The following TLN2 variants were observed in gnomAD, a reference collection of about 807,000 sequenced individuals.
The protein encoded by TLN2 is talin-2.
In TLN2, 118 loss-of-function variants were observed where a neutral mutation model predicts 294.7. That is an observed-to-expected ratio of 0.40 (90% CI 0.34 to 0.47). The LOEUF is 0.47. TLN2 is among the 20% of genes least tolerant of loss of function. The pLI is 0.84. For synonymous variants in TLN2, 1,431 were observed against 1,304.5 expected (o/e 1.10, Z -2.09); for missense variants, 3,083 against 3,282.2 (o/e 0.94, Z 1.48).
At chr15:62,622,934 C>T (rs2048959265) in intron 3 of TLN2, among the ~76,000 whole-genome samples, 1 of 152,162 alleles carries the variant, frequency 6.6e-6, no homozygotes, top group East Asian at 1.9e-4. Flanking sequence ...TGCTCAGAGC[C>T]CATCGATGTT....
At chr15:62,720,630 A>G (rs2060077117) in intron 25 of TLN2, among the ~76,000 whole-genome samples, 1 of 142,496 alleles carries the variant, frequency 7.0e-6, no homozygotes, top group African/African-American at 2.6e-5. Flanking sequence ...TATTTTAACT[A>G]CATACATATA....
intron 1 of TLN2, among the ~76,000 whole-genome samples, chr15:62,472,004 C>A (rs531425217): frequency 6.6e-5 from 10 of 152,156 alleles, no homozygotes; most frequent in Non-Finnish European, 1.2e-4. Context: ...CCACTGCATT[C>A]AGAATAAAGT....
chr15:62,740,119 C>T (rs1242982655), intron 31 of TLN2, among the ~76,000 whole-genome samples: 1 of 148,790 alleles, frequency 6.7e-6, no homozygotes, highest in African/African-American at 2.5e-5. Flanking sequence ...CTTCTAGTAT[C>T]TACAAAGAAT....
Position 62,800,371 on chromosome 15 carries a change from G to A in TLN2, c.6238G>A (p.Val2080Ile), listed in dbSNP as rs757218429. The change falls in exon 49 of 59, where the codon GTT becomes ATT. Residue 2080 changes from valine to isoleucine, a missense_variant. Val to Ile is a conservative substitution (Grantham distance 29). Coordinates refer to ENST00000636159, the MANE Select transcript of TLN2 (RefSeq NM_015059.3). ...TGAGTTCTGTGCTCTCTTTCAGGTGGTTTTGATCAATGCCATCAAAGATGT... is the reference window on the plus strand; with the variant it reads ...TGAGTTCTGTGCTCTCTTTCAGGTGATTTTGATCAATGCCATCAAAGATGT... ...LGSDDPETQV[V>I]LINAIKDVAK... 6 of 1,613,684 alleles carry A rather than the reference G, an allele frequency of 3.7e-6. No individual in the cohort carries two copies. In the African/African-American group the frequency reaches 8.0e-5, roughly 22 times the overall value.
chr15:62,839,070 A>G, intron 58 of TLN2, 89 bp downstream of exon 58: 2 of 1,508,226 alleles, frequency 1.3e-6, no homozygotes, highest in Non-Finnish European at 1.8e-6. Context: ...TCAAGATGAA[A>G]GTTTATTTCT....
chr15:62,708,011 A>C (rs140287692), intron 20 of TLN2, among the ~76,000 whole-genome samples: 43 of 152,094 alleles, frequency 2.8e-4, no homozygotes, highest in African/African-American at 9.2e-4. Context: ...CGTCTCCCTC[A>C]AGCTTTCATT....
intron 25 of TLN2, among the ~76,000 whole-genome samples, chr15:62,720,655 GT>G (rs1453137099): frequency 7.1e-6 from 1 of 141,588 alleles, no homozygotes; most frequent in African/African-American, 2.7e-5. Context: ...ACAGGTGTGT[GT>G]GTGTGTGTGT....
At chr15:62,461,233 C>T (rs756740342) in intron 1 of TLN2, among the ~76,000 whole-genome samples, 3 of 152,174 alleles carry the variant, frequency 2.0e-5, no homozygotes, top group South Asian at 2.1e-4. Flanking sequence ...CGTGAGCCAC[C>T]GCGTCTGGCC....
In TLN2 at chr15:62,644,819, C is replaced by T. The variant is rs954516500; in HGVS notation, c.-36-2456C>T. 4.8e-5 allele frequency: 16 copies of T among 334,200 alleles called. 3 individuals carry two copies. In the Admixed American group the frequency reaches 5.9e-4, roughly 12 times the overall value. 20.7% of individuals were successfully genotyped at this position (334,200 alleles called of 1,614,324 possible). A position where few individuals can be genotyped will look rare whatever the true frequency, so the allele number is the denominator to read the frequency against. On this transcript the variant is annotated intron_variant, in intron 3 of 58. Transcript: ENST00000636159. ...CCATGTCATGGCTCTCTCTTGGCTT[C>T]AGTGGAATCTCTCTCTGCATGGTTA... is the stretch of plus-strand genomic sequence containing the variant.
At chr15:62,563,997 CACTA>C (rs371085779) in intron 1 of TLN2, among the ~76,000 whole-genome samples, 36 of 152,326 alleles carry the variant, frequency 2.4e-4, no homozygotes, top group Middle Eastern at 3.4e-3. Flanking sequence ...GCCAGGCATG[CACTA>C]ACTACTAGGT....
intron 1 of TLN2, among the ~76,000 whole-genome samples, chr15:62,434,480 C>T (rs1197365053): frequency 2.6e-5 from 4 of 152,068 alleles, no homozygotes; most frequent in Non-Finnish European, 5.9e-5. Context: ...CACTCTTGTG[C>T]ATGCGCGCGC....
rs117841170 is a variant in TLN2 at position 62,764,668 on chromosome 15, T to C, written c.5094+973T>C. 2.1e-3 allele frequency among the ~76,000 whole-genome samples: 316 copies of C among 152,070 alleles called. 3 individuals carry two copies. In the East Asian group the frequency reaches 0.025, roughly 12 times the overall value. ...CCGGCAGCCAGATCAAGAAACAAAG[T>C]TGAGGCCAGGCGCTGTGGCTCAATC... is the stretch of plus-strand genomic sequence containing the variant. On this transcript the variant is annotated intron_variant, in intron 40 of 58. Transcript: ENST00000636159.
chr15:62,763,228 T>TC (rs2062787197), intron 39 of TLN2: 1 of 171,944 alleles, frequency 5.8e-6, no homozygotes, highest in African/African-American at 2.4e-5. Flanking sequence ...TTTTTCTTTT[T>TC]TTTTTTTTTT....
chr15:62,555,666 A>G (rs1567093125), intron 1 of TLN2, among the ~76,000 whole-genome samples: 1 of 152,208 alleles, frequency 6.6e-6, no homozygotes, highest in Non-Finnish European at 1.5e-5. Context: ...GTTCTTGTGT[A>G]TGATAGCAGT....
rs1383708494 is a variant in TLN2, at chr15:62,698,840, C to G, written c.1560C>G (p.Asp520Glu). 6.2e-6 allele frequency: 10 copies of G among 1,612,970 alleles called. No individual in the cohort carries two copies. The highest frequency in any genetic ancestry group is 3.3e-4 in the Middle Eastern group (2 of 6,062). Residue 520 changes from aspartate to glutamate, a missense_variant, in exon 16 of 59, where the codon GAC becomes GAG. Coordinates refer to ENST00000636159, the MANE Select transcript of TLN2 (RefSeq NM_015059.3). The stretch of plus-strand genomic sequence containing the variant: ...CCCAGGATGATCTCAGTGAGCTCGA[C>G]TCGCTGCCACCTCTCGGCCAGGATA... ...QQAQDDLSEL[D>E]SLPPLGQDMA...
chr15:62,552,689 C>T (rs1330714598), intron 1 of TLN2, among the ~76,000 whole-genome samples: 1 of 152,212 alleles, frequency 6.6e-6, no homozygotes, highest in African/African-American at 2.4e-5. Flanking sequence ...AAGCTGCATT[C>T]ATACATGAGT....
intron 4 of TLN2, 115 bp from the exon 5 acceptor site, chr15:62,649,969 G>T (rs766230965): frequency 4.1e-6 from 4 of 971,246 alleles, no homozygotes; most frequent in East Asian, 4.9e-5. Context: ...AAACATTGCT[G>T]TCTGGTGAAG....
chr15:62,659,548 T>A (rs567770510), intron 9 of TLN2, among the ~76,000 whole-genome samples: 1 of 152,338 alleles, frequency 6.6e-6, no homozygotes, highest in Admixed American at 6.5e-5. Context: ...TCCTGCAGTT[T>A]GTGGTCCTAT....
At chr15:62,439,689 C>T (rs1473074867) in intron 1 of TLN2, among the ~76,000 whole-genome samples, 2 of 152,162 alleles carry the variant, frequency 1.3e-5, no homozygotes, top group East Asian at 3.8e-4. Flanking sequence ...ATGTTTATTT[C>T]TGGTGAATGG....
Sources: gnomAD v4.1 joint callset for allele counts (sites outside exome capture counted in the v4.1 genomes callset) on GRCh38, gnomAD v4.1.1 for gene constraint, MANE v1.5 for transcripts, NCBI Gene and HGNC (gene_info 2026-07-23, HGNC 2026-07-21) for gene names.